The following AKNA variants were observed in gnomAD, a reference collection of about 807,000 sequenced individuals.
AKNA encodes the protein microtubule organization protein AKNA.
AKNA carries 67 observed loss-of-function variants against 138.8 expected under a neutral mutation model. The ratio of observed to expected loss-of-function variants is 0.48; its 90% confidence interval spans 0.40 to 0.59. The LOEUF (loss-of-function observed/expected upper bound fraction) is 0.59. Ranked by LOEUF, AKNA falls within the 20% of genes least tolerant of loss-of-function variation. The probability of loss-of-function intolerance (pLI) is 0.00; values close to 1 mark genes in which losing one functional copy is unlikely to be tolerated. For synonymous variants in AKNA, 737 were observed against 754.4 expected (o/e 0.98, Z 0.38); for missense variants, 1,813 against 1,880.4 (o/e 0.96, Z 0.66).
Position 114,381,181 on chromosome 9 carries a change from G to A in AKNA, c.153C>T (p.Thr51=). 8 of 1,614,106 alleles carry A rather than the reference G, an allele frequency of 5.0e-6. No individual in the cohort carries two copies. Among genetic ancestry groups the A allele is most frequent in the African/African-American group, 1.3e-5 (1 of 74,992 alleles). The part of the protein sequence containing the change: ...WEEERLFPNA[T]SPELLEDFRL... ...GGAAGTCCTCTAGGAGCTCGGGGCTGGTGGCATTGGGAAAGAGTCTCTCTT... is the reference window on the plus strand; with the variant it reads ...GGAAGTCCTCTAGGAGCTCGGGGCTAGTGGCATTGGGAAAGAGTCTCTCTT... The change falls in exon 2 of 22, where the codon ACC becomes ACT. Residue 51 remains threonine (T), a synonymous_variant. Coordinates refer to ENST00000374088, the MANE Select transcript of AKNA (RefSeq NM_001317950.2).
chr9:114,361,616 A>C, intron 9 of AKNA, 88 bp downstream of exon 9: 2 of 1,446,992 alleles, frequency 1.4e-6, no homozygotes, highest in South Asian at 2.3e-5. Flanking sequence ...CACACACTTC[A>C]TAAATATGTA....
At chr9:114,360,511 G>C (rs2131920243) in intron 9 of AKNA, among the ~76,000 whole-genome samples, 1 of 152,218 alleles carries the variant, frequency 6.6e-6, no homozygotes, top group Non-Finnish European at 1.5e-5. Context: ...GGAGCATGAG[G>C]GTCCCTTAAG....
At chr9:114,359,865 G>T (rs759819231) in intron 10 of AKNA, 31 bp downstream of exon 10, 1 of 1,613,968 alleles carries the variant, frequency 6.2e-7, no homozygotes, top group African/African-American at 1.3e-5. Context: ...CTGCTGGCCA[G>T]ACACCCTGGT....
chr9:114,331,052 G>A (rs745899697), downstream of AKNA, among the ~76,000 whole-genome samples: 3 of 152,070 alleles, frequency 2.0e-5, no homozygotes, highest in Non-Finnish European at 2.9e-5. Context: ...GGAAACATAA[G>A]AACAGAGACC....
At chr9:114,370,919 G>A (rs994183643) in intron 4 of AKNA, among the ~76,000 whole-genome samples, 1 of 152,192 alleles carries the variant, frequency 6.6e-6, no homozygotes, top group Non-Finnish European at 1.5e-5. Context: ...ACACTGAAAA[G>A]AGGTGGTTTT....
At chr9:114,349,030 T>C (rs1347388572) in intron 15 of AKNA, 1 of 450,702 alleles carries the variant, frequency 2.2e-6, no homozygotes, top group South Asian at 1.6e-5. Flanking sequence ...GGGCAGTGGG[T>C]TCCCTTGGTA....
At chr9:114,392,054 C>T (rs1215178057), upstream of AKNA, among the ~76,000 whole-genome samples, 5 of 141,916 alleles carry the variant, frequency 3.5e-5, no homozygotes, top group Non-Finnish European at 7.5e-5. Flanking sequence ...TGCAGTGAAC[C>T]GAGATCATGT....
At chr9:114,349,437 C>A (rs1307526790) in intron 15 of AKNA, among the ~76,000 whole-genome samples, 1 of 152,200 alleles carries the variant, frequency 6.6e-6, no homozygotes, top group Non-Finnish European at 1.5e-5. Flanking sequence ...ATGGGCCCAA[C>A]TTCCAAAATA....
rs776000462 is a variant in AKNA at position 114,342,103 on chromosome 9, T to C, written c.3780A>G (p.Pro1260=). 1.2e-6 allele frequency: 2 copies of C among 1,605,368 alleles called. No homozygotes were observed. Among genetic ancestry groups the C allele is most frequent in the South Asian group, 1.1e-5 (1 of 90,180 alleles). ...QDAGGAVTGD[P]LGPPPADTLQ... ...GGGTATCAGCGGGAGGCGGTCCCAG[T>C]GGGTCCCCTGTGACAGCACCACCTA... Residue 1260 remains proline, a synonymous_variant, in exon 20 of 22, where the codon CCA becomes CCG. Transcript: ENST00000374088.
chr9:114,331,921 T>A, downstream of AKNA: 2 of 1,613,550 alleles, frequency 1.2e-6, no homozygotes, highest in African/African-American at 1.3e-5. Flanking sequence ...GTACACCGAC[T>A]GGAAAAAGGT....
At position 114,368,346 on chromosome 9, in the gene AKNA, C is replaced by T. The variant is rs147443661; in HGVS notation, c.1573+93G>A. 1,168 of 1,277,980 alleles carry T rather than the reference C, an allele frequency of 9.1e-4. 14 individuals carry two copies. The East Asian group carries it at 0.031, about 34-fold the overall frequency. The allele number at this position is 1,277,980 out of a possible 1,614,324, so 79.2% of individuals were successfully genotyped here. ...CCTCCCTCCTTCCCCTGGCCTGAGG[C>T]CAGCGCCATCCCCAGGGTGAACCAA... On this transcript the variant is annotated intron_variant, in intron 5 of 21. Coordinates refer to ENST00000374088, the MANE Select transcript of AKNA (RefSeq NM_001317950.2).
intron 14 of AKNA, among the ~76,000 whole-genome samples, chr9:114,354,507 A>G (rs1831348505): frequency 6.6e-6 from 1 of 152,096 alleles, no homozygotes; most frequent in Non-Finnish European, 1.5e-5. Flanking sequence ...AGGTCAGGAG[A>G]TCGAGACCAT....
At chr9:114,380,735 G>A (rs1833577031) in intron 2 of AKNA, among the ~76,000 whole-genome samples, 1 of 151,746 alleles carries the variant, frequency 6.6e-6, no homozygotes, top group Non-Finnish European at 1.5e-5. Flanking sequence ...CAGCACTTTG[G>A]GAGGCCGAGG....
chr9:114,364,117 G>A (rs1832164056), intron 7 of AKNA, among the ~76,000 whole-genome samples: 1 of 151,824 alleles, frequency 6.6e-6, no homozygotes. Flanking sequence ...TCTGCTTGCT[G>A]AGAGGCAGGA....
chr9:114,345,060 C>CATATATATATATATATATAT (rs143632430), intron 18 of AKNA: 2 of 143,528 alleles, frequency 1.4e-5, no homozygotes, highest in African/African-American at 5.0e-5. Context: ...GAACCATATC[C>CATATATATATATATATATAT]ATATATATAT....
At chr9:114,347,125 A>G (rs944712147) in intron 16 of AKNA, among the ~76,000 whole-genome samples, 6 of 152,198 alleles carry the variant, frequency 3.9e-5, no homozygotes, top group African/African-American at 1.4e-4. Flanking sequence ...ATGAACAAAC[A>G]CCGAATTAAT....
rs758917377 is a variant in AKNA at position 114,356,952 on chromosome 9, G to T, written c.2757C>A (p.Ser919=). ...CCACAAAGCCACTGTCTGTCTCTGG[G>T]GACGCCATCCAGGTCTCCTGAAAGA... ...GPHLEETWMA[S]PETDSGFVGS... Residue 919 remains serine, a synonymous_variant, in exon 13 of 22, where the codon TCC becomes TCA. Coordinates refer to ENST00000374088, the MANE Select transcript of AKNA (RefSeq NM_001317950.2). The T allele has an allele frequency of 1.3e-5, 21 of 1,580,500 alleles. No homozygotes were observed. The highest frequency in any genetic ancestry group is 5.6e-5 in the Admixed American group (3 of 53,946).
At chr9:114,386,128 T>C (rs1349499816) in intron 1 of AKNA, among the ~76,000 whole-genome samples, 1 of 152,172 alleles carries the variant, frequency 6.6e-6, no homozygotes, top group East Asian at 1.9e-4. Context: ...AGGTCACATT[T>C]CAAAGTACAA....
intron 19 of AKNA, 124 bp downstream of exon 19, chr9:114,343,584 G>A (rs554313721): frequency 2.1e-6 from 2 of 969,714 alleles, no homozygotes; most frequent in Admixed American, 4.2e-5. Flanking sequence ...CTCTTCCCTG[G>A]TCTGTCCCTA....
Sources: allele counts gnomAD v4.1 joint callset (sites outside exome capture counted in the v4.1 genomes callset), GRCh38; gene constraint gnomAD v4.1.1; transcripts MANE v1.5; gene names NCBI Gene and HGNC (gene_info 2026-07-23, HGNC 2026-07-21).